GABRB1: variants seen among roughly 807,000 people sequenced by gnomAD.
GABRB1 encodes gamma-aminobutyric acid receptor subunit beta-1.
In GABRB1, 17 loss-of-function variants were observed where a neutral mutation model predicts 51.6. That is an observed-to-expected ratio of 0.33 (90% confidence interval 0.23 to 0.49). GABRB1 has a LOEUF of 0.49. GABRB1 is among the 20% of genes least tolerant of loss of function. The pLI, the probability that GABRB1 is intolerant of heterozygous loss-of-function variation, is 0.99. For synonymous variants in GABRB1, 247 were observed against 218.9 expected (o/e 1.13, Z -1.14); for missense variants, 410 against 600.6 (o/e 0.68, Z 3.32).
intron 4 of GABRB1, among the ~76,000 whole-genome samples, chr4:47,239,749 A>G (rs1235811045): frequency 1.3e-5 from 2 of 152,184 alleles, no homozygotes; most frequent in East Asian, 1.9e-4. Flanking sequence ...CAAGAGCAAT[A>G]CTGTAGCTGT....
chr4:47,175,585 A>C (rs1394934963), intron 4 of GABRB1, among the ~76,000 whole-genome samples: 2 of 152,198 alleles, frequency 1.3e-5, no homozygotes, highest in Non-Finnish European at 2.9e-5. Flanking sequence ...CTGGAACCTT[A>C]TATGAAAATA....
At chr4:47,093,280 C>T (rs1159657681) in intron 3 of GABRB1, among the ~76,000 whole-genome samples, 2 of 152,184 alleles carry the variant, frequency 1.3e-5, no homozygotes, top group East Asian at 3.8e-4. Context: ...CCAAAATCCC[C>T]ATTAAATATG....
intron 3 of GABRB1, among the ~76,000 whole-genome samples, chr4:47,088,618 T>C (rs1728173786): frequency 6.6e-6 from 1 of 152,196 alleles, no homozygotes; most frequent in African/African-American, 2.4e-5. Context: ...AAAAGTTGTT[T>C]CTTTTCTTTA....
intron 8 of GABRB1, among the ~76,000 whole-genome samples, chr4:47,420,604 C>T (rs1263822813): frequency 6.6e-6 from 1 of 152,198 alleles, no homozygotes; most frequent in Non-Finnish European, 1.5e-5. Context: ...AATTAGGCAG[C>T]ATTTGGCCAC....
chr4:47,398,261 T>C (rs1344053388), intron 5 of GABRB1, among the ~76,000 whole-genome samples: 2 of 152,236 alleles, frequency 1.3e-5, no homozygotes, highest in Non-Finnish European at 2.9e-5. Context: ...TCTTATTGTT[T>C]GTAATAGCTC....
At chr4:47,065,170 T>C (rs1727022669) in intron 3 of GABRB1, among the ~76,000 whole-genome samples, 1 of 152,192 alleles carries the variant, frequency 6.6e-6, no homozygotes, top group African/African-American at 2.4e-5. Context: ...GGCGACATTT[T>C]AAATGGCAGT....
intron 4 of GABRB1, among the ~76,000 whole-genome samples, chr4:47,185,007 G>A (rs1719113698): frequency 6.6e-6 from 1 of 151,766 alleles, no homozygotes; most frequent in South Asian, 2.1e-4. Context: ...AGTGCAACAG[G>A]CCTTCCCACA....
chr4:47,193,948 C>T (rs1002301016), intron 4 of GABRB1, among the ~76,000 whole-genome samples: 32 of 152,046 alleles, frequency 2.1e-4, no homozygotes, highest in African/African-American at 7.7e-4. Flanking sequence ...TCTTAAGTTC[C>T]ATGCAAAATG....
intron 1 of GABRB1, among the ~76,000 whole-genome samples, chr4:47,017,051 A>T (rs1279876239): frequency 6.6e-6 from 1 of 152,268 alleles, no homozygotes; most frequent in Non-Finnish European, 1.5e-5. Flanking sequence ...TGCAAAAATT[A>T]ATACTCTTCT....
chr4:47,421,248 A>G lies in GABRB1; in HGVS notation c.1081-4426A>G, dbSNP rs538237401. 1.5e-4 allele frequency among the ~76,000 whole-genome samples: 23 copies of G among 152,216 alleles called. 1 individual carries two copies. The Middle Eastern group carries it at 0.014, about 90-fold the overall frequency. On this transcript the variant is annotated intron_variant, in intron 8 of 8. Coordinates refer to ENST00000295454, the MANE Select transcript of GABRB1 (RefSeq NM_000812.4). Reference sequence around the variant, plus strand: ...TTGCACAAACTGGTAAATCTCATGCAAGTTTTAGGCACATTTAAATCTGCA... The same window carrying G: ...TTGCACAAACTGGTAAATCTCATGCGAGTTTTAGGCACATTTAAATCTGCA...
chr4:47,105,640 A>G (rs887436953), intron 3 of GABRB1, among the ~76,000 whole-genome samples: 2 of 152,196 alleles, frequency 1.3e-5, no homozygotes, highest in African/African-American at 2.4e-5. Context: ...AACAGGCTTC[A>G]TGTCTCTTCC....
At position 47,226,713 on chromosome 4, in the gene GABRB1, C is replaced by A. The variant is rs189831363; in HGVS notation, c.461+65244C>A. Among the ~76,000 whole-genome samples the A allele has an allele frequency of 7.9e-5, 12 of 152,270 alleles. No homozygotes were observed. In the East Asian group the frequency reaches 1.5e-3, roughly 20 times the overall value. On this transcript the variant is annotated intron_variant, in intron 4 of 8. Coordinates refer to ENST00000295454, the MANE Select transcript of GABRB1 (RefSeq NM_000812.4). ...AGGGCAAAAGAAAACCTATAAATATCTCAATAAATAAGCTCACCACATTTT... is the reference window on the plus strand; with the variant it reads ...AGGGCAAAAGAAAACCTATAAATATATCAATAAATAAGCTCACCACATTTT...
rs570785569 is a variant in GABRB1 at position 47,306,596 on chromosome 4, C to T, written c.462-13531C>T. On this transcript the variant is annotated intron_variant, in intron 4 of 8. Coordinates refer to ENST00000295454, the MANE Select transcript of GABRB1 (RefSeq NM_000812.4). Reference sequence around the variant, plus strand: ...CTACCTCTCCCTCCCCAGAGATAACCACTATTCTAAAATTACTGTGTATCC... The same window carrying T: ...CTACCTCTCCCTCCCCAGAGATAACTACTATTCTAAAATTACTGTGTATCC... Among the ~76,000 whole-genome samples the T allele has an allele frequency of 1.6e-4, 24 of 152,176 alleles. 1 individual carries two copies. The highest frequency in any genetic ancestry group is 1.8e-4 in the Non-Finnish European group (12 of 67,990).
chr4:47,333,710 C>A (rs1052729036), intron 5 of GABRB1, among the ~76,000 whole-genome samples: 8 of 152,022 alleles, frequency 5.3e-5, no homozygotes, highest in Non-Finnish European at 1.2e-4. Context: ...TGTGAAACAT[C>A]ATCACCCCAC....
chr4:47,368,413 T>C (rs1239360819), intron 5 of GABRB1, among the ~76,000 whole-genome samples: 1 of 152,024 alleles, frequency 6.6e-6, no homozygotes, highest in Non-Finnish European at 1.5e-5. Context: ...CTGGAGGCAC[T>C]TGTGGTTGTC....
intron 4 of GABRB1, among the ~76,000 whole-genome samples, chr4:47,248,289 G>A (rs1721842826): frequency 6.6e-6 from 1 of 151,976 alleles, no homozygotes; most frequent in African/African-American, 2.4e-5. Flanking sequence ...TGTGATTTTT[G>A]TTTTTAATTC....
At chr4:47,048,104 C>G (rs1726179129) in intron 3 of GABRB1, among the ~76,000 whole-genome samples, 1 of 152,040 alleles carries the variant, frequency 6.6e-6, no homozygotes, top group African/African-American at 2.4e-5. Flanking sequence ...TTTTGAGGTT[C>G]AAAAATTTTT....
intron 5 of GABRB1, among the ~76,000 whole-genome samples, chr4:47,367,611 G>A (rs1727025196): frequency 6.6e-6 from 1 of 152,186 alleles, no homozygotes; most frequent in South Asian, 2.1e-4. Flanking sequence ...GCTTTCCCTA[G>A]AACTCCTTTG....
At chr4:47,085,186 A>G (rs900151414) in intron 3 of GABRB1, among the ~76,000 whole-genome samples, 2 of 152,194 alleles carry the variant, frequency 1.3e-5, no homozygotes, top group African/African-American at 4.8e-5. Context: ...TTCCTCTAGA[A>G]CTAAACTTTT....
Sources: allele counts gnomAD v4.1 joint callset (sites outside exome capture counted in the v4.1 genomes callset), GRCh38; gene constraint gnomAD v4.1.1; transcripts MANE v1.5; gene names NCBI Gene and HGNC (gene_info 2026-07-23, HGNC 2026-07-21).